SNTG2: variants seen among roughly 807,000 people sequenced by gnomAD.
The protein encoded by SNTG2 is gamma-2-syntrophin.
Under a neutral mutation model 70.9 loss-of-function variants are expected in SNTG2, and 74 were observed. The ratio of observed to expected loss-of-function variants is 1.04; its 90% CI spans 0.86 to 1.27. SNTG2 has a LOEUF of 1.27. Ranked by LOEUF, SNTG2 falls within the 50% of genes most tolerant of loss-of-function variation. The pLI is 0.00. For missense variants in SNTG2, 717 were observed against 690.7 expected (o/e 1.04, Z -0.43); for synonymous variants, 278 against 273.8 (o/e 1.02, Z -0.15).
chr2:1,059,904 G>A (rs771849895), intron 1 of SNTG2, among the ~76,000 whole-genome samples: 2 of 152,028 alleles, frequency 1.3e-5, no homozygotes, highest in Non-Finnish European at 2.9e-5. Flanking sequence ...TGGATCAGGG[G>A]TACAAAAGTT....
chr2:1,271,373 A>C (rs992763598), intron 14 of SNTG2, among the ~76,000 whole-genome samples: 2 of 152,100 alleles, frequency 1.3e-5, no homozygotes, highest in African/African-American at 4.8e-5. Flanking sequence ...GTACATTTTC[A>C]TGTCAATTTA....
intron 2 of SNTG2, among the ~76,000 whole-genome samples, chr2:1,085,382 G>A (rs1664619827): frequency 1.3e-5 from 2 of 152,198 alleles, no homozygotes; most frequent in Non-Finnish European, 2.9e-5. Context: ...TGGTGAAAAT[G>A]AAAGACTCCT....
chr2:1,314,874 T>C (rs1667910702), intron 15 of SNTG2, among the ~76,000 whole-genome samples: 1 of 151,964 alleles, frequency 6.6e-6, no homozygotes, highest in Non-Finnish European at 1.5e-5. Flanking sequence ...TATAAAACCA[T>C]CAGATCATGT....
At chr2:1,277,926 A>C (rs1460296516) in intron 14 of SNTG2, among the ~76,000 whole-genome samples, 2 of 152,326 alleles carry the variant, frequency 1.3e-5, no homozygotes, top group East Asian at 3.9e-4. Flanking sequence ...TGGGGTTTCC[A>C]TCCTCTCTGG....
intron 12 of SNTG2, among the ~76,000 whole-genome samples, chr2:1,254,880 C>T (rs751905051): frequency 1.4e-4 from 21 of 152,232 alleles, no homozygotes; most frequent in East Asian, 3.9e-4. Flanking sequence ...GTTTCCTTGC[C>T]CTGGTGTTAA....
intron 2 of SNTG2, among the ~76,000 whole-genome samples, chr2:1,085,737 G>A (rs1664644991): frequency 6.6e-6 from 1 of 152,232 alleles, no homozygotes; most frequent in African/African-American, 2.4e-5. Flanking sequence ...CGATGTTTAA[G>A]GATCTCAGGA....
intron 4 of SNTG2, among the ~76,000 whole-genome samples, chr2:1,133,603 C>G (rs1457832537): frequency 6.6e-6 from 1 of 152,166 alleles, no homozygotes; most frequent in Non-Finnish European, 1.5e-5. Flanking sequence ...CTTGCCTAAT[C>G]TGACCAAATA....
intron 14 of SNTG2, among the ~76,000 whole-genome samples, chr2:1,307,288 CTGTG>C (rs1365840165): frequency 7.2e-6 from 1 of 139,018 alleles, no homozygotes; most frequent in African/African-American, 2.8e-5. Flanking sequence ...GAACCGTGCA[CTGTG>C]TGTGTGTGCC....
intron 16 of SNTG2, among the ~76,000 whole-genome samples, chr2:1,356,826 CTT>C (rs1231644554): frequency 6.6e-6 from 1 of 151,784 alleles, no homozygotes; most frequent in Non-Finnish European, 1.5e-5. Flanking sequence ...TTACTTGTGT[CTT>C]TAATTTCTTG....
At chr2:960,508 C>G (rs1483269003) in intron 1 of SNTG2, among the ~76,000 whole-genome samples, 1 of 152,238 alleles carries the variant, frequency 6.6e-6, no homozygotes, top group Non-Finnish European at 1.5e-5. Flanking sequence ...ACAGAGGACT[C>G]TGCCCTCGTG....
intron 8 of SNTG2, among the ~76,000 whole-genome samples, chr2:1,205,392 C>T (rs180779997): frequency 4.6e-5 from 7 of 152,324 alleles, no homozygotes; most frequent in East Asian, 1.9e-4. Flanking sequence ...CACCTCCATT[C>T]AGAATGTTTA....
intron 8 of SNTG2, among the ~76,000 whole-genome samples, chr2:1,195,102 C>A (rs1672828348): frequency 6.6e-6 from 1 of 152,178 alleles, no homozygotes; most frequent in South Asian, 2.1e-4. Context: ...ATATATGTGG[C>A]ACATTTTCTT....
At chr2:986,841 A>G (rs1661339481) in intron 1 of SNTG2, among the ~76,000 whole-genome samples, 1 of 152,270 alleles carries the variant, frequency 6.6e-6, no homozygotes, top group Non-Finnish European at 1.5e-5. Context: ...AGAAAAACCA[A>G]TAAATACTTA....
chr2:1,061,731 A>G (rs1662837887), intron 1 of SNTG2, among the ~76,000 whole-genome samples: 1 of 152,206 alleles, frequency 6.6e-6, no homozygotes, highest in South Asian at 2.1e-4. Flanking sequence ...TTCTGCCAGC[A>G]TCCATGCGCT....
At chr2:1,149,230 G>A (rs958514003) in intron 6 of SNTG2, among the ~76,000 whole-genome samples, 1,330 of 39,400 alleles carry the variant, frequency 0.034, 25 homozygotes, top group African/African-American at 0.093. Flanking sequence ...ACACACACAC[G>A]GGGAGCAGTG....
intron 14 of SNTG2, among the ~76,000 whole-genome samples, chr2:1,276,346 G>A (rs1163432112): frequency 6.6e-6 from 1 of 152,188 alleles, no homozygotes; most frequent in Non-Finnish European, 1.5e-5. Flanking sequence ...TCTTATTAGG[G>A]TCCAATGTAT....
At position 1,264,019 on chromosome 2, in the gene SNTG2, T is replaced by C. The variant is rs116762971; in HGVS notation, c.1078-3346T>C. Among the ~76,000 whole-genome samples, 1,406 of 152,376 alleles carry C rather than the reference T, an allele frequency of 9.2e-3. 19 individuals carry two copies. The highest frequency in any genetic ancestry group is 0.032 in the African/African-American group (1,330 of 41,592). ...CTTGAACTGCGTGGGCTCATTTGTA[T>C]GCCAATTGTTTTCTATAAGTATGTT... On this transcript the variant is annotated intron_variant, in intron 13 of 16. Transcript: ENST00000308624.
intron 4 of SNTG2, among the ~76,000 whole-genome samples, chr2:1,102,262 G>T (rs1484751235): frequency 6.6e-6 from 1 of 152,170 alleles, no homozygotes; most frequent in Non-Finnish European, 1.5e-5. Flanking sequence ...GCTGAAGTTG[G>T]TTTAAAATTA....
At chr2:1,185,728 G>T (rs1672205521) in intron 8 of SNTG2, among the ~76,000 whole-genome samples, 1 of 152,210 alleles carries the variant, frequency 6.6e-6, no homozygotes, top group African/African-American at 2.4e-5. Context: ...AGGGCCCCGG[G>T]CCTGGCCCAG....
Sources: gnomAD v4.1 joint callset for allele counts (sites outside exome capture counted in the v4.1 genomes callset) on GRCh38, gnomAD v4.1.1 for gene constraint, MANE v1.5 for transcripts, NCBI Gene and HGNC (gene_info 2026-07-23, HGNC 2026-07-21) for gene names.